The following CACNA1D variants were observed in gnomAD, a reference collection of about 807,000 sequenced individuals.
The protein encoded by CACNA1D is voltage-dependent L-type calcium channel subunit alpha-1D.
In CACNA1D, 55 loss-of-function variants were observed where a neutral mutation model predicts 257.1. The observed-to-expected ratio is 0.21, with a 90% CI of 0.17 to 0.27. The LOEUF is 0.27. CACNA1D is among the 10% of genes least tolerant of loss of function. The pLI, the probability that CACNA1D is intolerant of heterozygous loss-of-function variation, is 1.00. For missense variants in CACNA1D, 1,876 were observed against 2,784.0 expected (o/e 0.67, Z 7.34); for synonymous variants, 980 against 1,014.9 (o/e 0.97, Z 0.65).
At chr3:53,791,588 C>T (rs908734726) in intron 40 of CACNA1D, 1 of 153,662 alleles carries the variant, frequency 6.5e-6, no homozygotes, top group African/African-American at 2.4e-5. Flanking sequence ...AGCGTCCGGC[C>T]CTGCTCTCTG....
intron 39 of CACNA1D, among the ~76,000 whole-genome samples, chr3:53,784,098 G>C (rs1026181974): frequency 2.6e-5 from 4 of 152,216 alleles, no homozygotes; most frequent in Admixed American, 6.5e-5. Context: ...CTGTGGATCT[G>C]TGGATACATG....
At chr3:53,715,434 G>A (rs763887636) in intron 9 of CACNA1D, among the ~76,000 whole-genome samples, 1 of 152,096 alleles carries the variant, frequency 6.6e-6, no homozygotes, top group African/African-American at 2.4e-5. Context: ...TGATTCAGAG[G>A]TATGGAAGAT....
intron 3 of CACNA1D, among the ~76,000 whole-genome samples, chr3:53,622,109 A>G (rs957726196): frequency 6.6e-6 from 1 of 151,732 alleles, no homozygotes; most frequent in South Asian, 2.1e-4. Context: ...GTGCAGTGAC[A>G]CGATAATCTC....
At chr3:53,580,636 C>T (rs1029314883) in intron 3 of CACNA1D, among the ~76,000 whole-genome samples, 1 of 152,236 alleles carries the variant, frequency 6.6e-6, no homozygotes, top group Non-Finnish European at 1.5e-5. Flanking sequence ...TCCTCATAAC[C>T]TCACTTGGCC....
intron 47 of CACNA1D, chr3:53,810,560 C>T: frequency 4.0e-6 from 2 of 506,160 alleles, no homozygotes; most frequent in Non-Finnish European, 7.2e-6. Context: ...GGCTCAAAGA[C>T]CAGCCTTGCC....
At chr3:53,636,360 G>C (rs2093883829) in intron 3 of CACNA1D, among the ~76,000 whole-genome samples, 1 of 152,222 alleles carries the variant, frequency 6.6e-6, no homozygotes, top group East Asian at 1.9e-4. Context: ...GTGCAGTGCA[G>C]TGGTGCAATC....
At chr3:53,627,711 C>T (rs1232976958) in intron 3 of CACNA1D, among the ~76,000 whole-genome samples, 7 of 152,050 alleles carry the variant, frequency 4.6e-5, no homozygotes, top group Admixed American at 2.0e-4. Flanking sequence ...CTGTTGGTTT[C>T]TTAGAAAATG....
chr3:53,650,344 T>C (rs4687735), intron 3 of CACNA1D, among the ~76,000 whole-genome samples: 148,074 of 152,370 alleles, frequency 0.97, 71,981 homozygotes, highest in East Asian at 1. Flanking sequence ...ATCTTCATTT[T>C]TTCCAGAGGA....
At chr3:53,741,484 T>G (rs1283369290) in intron 21 of CACNA1D, among the ~76,000 whole-genome samples, 1 of 152,228 alleles carries the variant, frequency 6.6e-6, no homozygotes, top group Non-Finnish European at 1.5e-5. Flanking sequence ...TATTTTTTTA[T>G]TTTTTGGTTC....
chr3:53,639,859 C>CTT (rs34925431), intron 3 of CACNA1D, among the ~76,000 whole-genome samples: 21 of 102,072 alleles, frequency 2.1e-4, no homozygotes, highest in African/African-American at 4.9e-4. Flanking sequence ...TCATTTCTTA[C>CTT]TTTTTTTTTT....
chr3:53,796,363 G>A (rs1371392332), intron 40 of CACNA1D: 5 of 455,936 alleles, frequency 1.1e-5, no homozygotes, highest in Non-Finnish European at 2.2e-5. Context: ...GCCCAGTCCC[G>A]ACTAGAGACA....
intron 3 of CACNA1D, among the ~76,000 whole-genome samples, chr3:53,550,406 T>G (rs1458063988): frequency 1.3e-5 from 2 of 152,186 alleles, no homozygotes; most frequent in Non-Finnish European, 2.9e-5. Context: ...TCTCGCAGCT[T>G]CTAGCACCCC....
intron 8 of CACNA1D, among the ~76,000 whole-genome samples, chr3:53,685,415 A>G (rs1189296754): frequency 6.6e-6 from 1 of 152,188 alleles, no homozygotes; most frequent in African/African-American, 2.4e-5. Flanking sequence ...CTAGGTTAAA[A>G]ACAGCAAATA....
intron 30 of CACNA1D, among the ~76,000 whole-genome samples, chr3:53,764,234 T>C (rs2095319664): frequency 1.3e-5 from 2 of 152,236 alleles, no homozygotes; most frequent in Admixed American, 6.5e-5. Context: ...AAGCTGGTGC[T>C]AATGGGAGAA....
In CACNA1D at chr3:53,497,140, CCTT is replaced by C; in HGVS notation, c.68-9_68-7del. The C allele has an allele frequency of 3.7e-6, 6 of 1,612,256 alleles. No homozygotes were observed. Among genetic ancestry groups the C allele is most frequent in the Non-Finnish European group, 2.5e-6 (3 of 1,179,016 alleles). On this transcript the variant is annotated splice_polypyrimidine_tract_variant and intron_variant, in intron 1 of 47. Coordinates refer to ENST00000350061, the MANE Select transcript of CACNA1D (RefSeq NM_001128840.3). ...TAAAAAAAAAAATCTTTGTTTTTCT[CCTT>C]CTCCCCAGAGGCAAACTATGCAAGA...
At chr3:53,598,919 A>G (rs540680304) in intron 3 of CACNA1D, among the ~76,000 whole-genome samples, 1 of 152,294 alleles carries the variant, frequency 6.6e-6, no homozygotes, top group Non-Finnish European at 1.5e-5. Context: ...ACTTCATGCC[A>G]TTTGACAGTT....
chr3:53,511,942 A>G (rs1001561010), intron 3 of CACNA1D, among the ~76,000 whole-genome samples: 2 of 152,228 alleles, frequency 1.3e-5, no homozygotes, highest in Non-Finnish European at 2.9e-5. Context: ...ATAAATGACC[A>G]ATATTTTTAA....
intron 9 of CACNA1D, among the ~76,000 whole-genome samples, chr3:53,704,744 A>G (rs1257072934): frequency 6.6e-6 from 1 of 152,226 alleles, no homozygotes; most frequent in African/African-American, 2.4e-5. Flanking sequence ...TGTTATTTGT[A>G]AACGAGAGGA....
At chr3:53,573,904 G>A (rs998045563) in intron 3 of CACNA1D, among the ~76,000 whole-genome samples, 51 of 152,026 alleles carry the variant, frequency 3.4e-4, no homozygotes, top group Non-Finnish European at 1.2e-4. Context: ...TTGTATTGTT[G>A]TGTAACCATC....
Sources: gnomAD v4.1 joint callset for allele counts (sites outside exome capture counted in the v4.1 genomes callset) on GRCh38, gnomAD v4.1.1 for gene constraint, MANE v1.5 for transcripts, NCBI Gene and HGNC (gene_info 2026-07-23, HGNC 2026-07-21) for gene names.